Variants in KCNQ1 observed in about 807,000 individuals in gnomAD.
The protein encoded by KCNQ1 is potassium voltage-gated channel subfamily Q member 1, also known as potassium voltage-gated channel subfamily KQT member 1.
Under a neutral mutation model 72.4 loss-of-function variants are expected in KCNQ1, and 49 were observed. The ratio of observed to expected loss-of-function variants is 0.68; its 90% CI spans 0.54 to 0.86. The LOEUF (loss-of-function observed/expected upper bound fraction) is 0.86. KCNQ1 is among the 40% of genes least tolerant of loss of function. The pLI is 0.00. For synonymous variants in KCNQ1, 450 were observed against 412.6 expected, an observed-to-expected ratio of 1.09 and a Z score of -1.10; for missense variants, 790 against 945.1, an observed-to-expected ratio of 0.84 and a Z score of 2.15.
rs940837479 is a variant in KCNQ1, at chr11:2,679,461, A to G, written c.1514+17380A>G. The G allele has an allele frequency of 2.0e-5, 8 of 398,526 alleles. No individual in the cohort carries two copies. Among genetic ancestry groups the G allele is most frequent in the Admixed American group, 1.3e-4 (3 of 22,722 alleles). The allele number at this position is 398,526 out of a possible 1,614,324, so 24.7% of individuals were successfully genotyped here. A position where few individuals can be genotyped will look rare whatever the true frequency, so the allele number is the denominator to read the frequency against. On this transcript the variant is annotated intron_variant, in intron 11 of 15. Transcript: ENST00000155840. The surrounding 1 kb of genome is among the most constrained non-coding windows in gnomAD (Gnocchi z 4.8). Reference sequence around the variant, plus strand: ...GGAGGATTACACAAATTAATAATATAAAGTATGCAGAAAAGTGCCTGTCCT... The same window carrying G: ...GGAGGATTACACAAATTAATAATATGAAGTATGCAGAAAAGTGCCTGTCCT...
chr11:2,847,450 G>A (rs2134096124), intron 15 of KCNQ1, among the ~76,000 whole-genome samples: 1 of 152,356 alleles, frequency 6.6e-6, no homozygotes, highest in South Asian at 2.1e-4. Flanking sequence ...CAGAAGGCCG[G>A]CCAGCCTGGG....
rs1391715248 is a variant in KCNQ1 at position 2,645,770 on chromosome 11, G to A, written c.1394-16191G>A. 4 of 398,580 alleles carry A rather than the reference G, an allele frequency of 1.0e-5. No individual in the cohort carries two copies. Among genetic ancestry groups the A allele is most frequent in the African/African-American group, 4.1e-5 (2 of 48,592 alleles). The allele number at this position is 398,580 out of a possible 1,614,324, so 24.7% of individuals were successfully genotyped here. Reference sequence around the variant, plus strand: ...CCAGGGATGAGATAGAGGGATGTGGGGCCCACAGCAGATGCAGTCTGGTGG... The same window carrying A: ...CCAGGGATGAGATAGAGGGATGTGGAGCCCACAGCAGATGCAGTCTGGTGG... On this transcript the variant is annotated intron_variant, in intron 10 of 15. Transcript: ENST00000155840. This position sits in a 1 kb window ranked among gnomAD's most constrained non-coding sequence, Gnocchi z 5.8.
chr11:2,478,871 G>A lies in KCNQ1; in HGVS notation c.386+33387G>A, dbSNP rs1846612279. On this transcript the variant is annotated intron_variant, in intron 1 of 15. Coordinates refer to ENST00000155840, the MANE Select transcript of KCNQ1 (RefSeq NM_000218.3). This position sits in a 1 kb window ranked among gnomAD's most constrained non-coding sequence, Gnocchi z 4.0. ...CACCTATGAGCCTGTAAAATCAAAA[G>A]CAAGTTAGTTAATTCCTAGACACAA... Among the ~76,000 whole-genome samples, 1 of 152,234 alleles carries A rather than the reference G, an allele frequency of 6.6e-6. No homozygotes were observed. Among genetic ancestry groups the A allele is most frequent in the South Asian group, 2.1e-4 (1 of 4,826 alleles).
At chr11:2,646,557 A>C in intron 10 of KCNQ1, 1 of 398,550 alleles carries the variant, frequency 2.5e-6, no homozygotes, top group South Asian at 1.3e-4. Context: ...ACAGGGTCTC[A>C]CTCTGTTGCC....
At chr11:2,445,620 A>G in intron 1 of KCNQ1, 136 bp downstream of exon 1, 2 of 1,052,386 alleles carry the variant, frequency 1.9e-6, no homozygotes, top group South Asian at 1.4e-5. Context: ...GGGGAAACGC[A>G]GAAACACAAA....
At position 2,616,965 on chromosome 11, in the gene KCNQ1, T is replaced by G. The variant is rs114030398; in HGVS notation, c.1393+28111T>G. 0.57 allele frequency: 218,575 copies of G among 386,666 alleles called. 61,174 individuals are homozygous for G. Among genetic ancestry groups the G allele is most frequent in the East Asian group, 0.83 (22,088 of 26,536 alleles). 24.0% of individuals were successfully genotyped at this position (386,666 alleles called of 1,614,324 possible). ...CTGGCTGTACATTATCTTGTTGTGTTTTTTTTTTTTAATTTTAAAAATATG... is the reference window on the plus strand; with the variant it reads ...CTGGCTGTACATTATCTTGTTGTGTGTTTTTTTTTTAATTTTAAAAATATG... On this transcript the variant is annotated intron_variant, in intron 10 of 15. Coordinates refer to ENST00000155840, the MANE Select transcript of KCNQ1 (RefSeq NM_000218.3).
At chr11:2,685,722 C>T in intron 11 of KCNQ1, 1 of 398,704 alleles carries the variant, frequency 2.5e-6, no homozygotes. Context: ...GGAGGGTGCT[C>T]TGACAGTCCG....
At chr11:2,649,566 A>G (rs1222742416) in intron 10 of KCNQ1, 2 of 398,450 alleles carry the variant, frequency 5.0e-6, no homozygotes, top group Non-Finnish European at 8.8e-6. Flanking sequence ...TGCTGGGTAT[A>G]GTATTTGTGG....
rs1215703914 is a variant in KCNQ1, at chr11:2,562,617, CCT to C, written c.478-8010_478-8009del. Reference sequence around the variant, plus strand: ...TCCCCACAGCACCCTCAGCCTAACCCCTGTGTCCACCCCTCTTCAGAGTCTCC... The same window carrying C: ...TCCCCACAGCACCCTCAGCCTAACCCGTGTCCACCCCTCTTCAGAGTCTCC... On this transcript the variant is annotated intron_variant, in intron 2 of 15. Coordinates refer to ENST00000155840, the MANE Select transcript of KCNQ1 (RefSeq NM_000218.3). This position sits in a 1 kb window ranked among gnomAD's most constrained non-coding sequence, Gnocchi z 7.5. Among the ~76,000 whole-genome samples, 1 of 152,206 alleles carries C rather than the reference CCT, an allele frequency of 6.6e-6. No individual in the cohort carries two copies. The highest frequency in any genetic ancestry group is 1.5e-5 in the Non-Finnish European group (1 of 68,040).
Position 2,734,036 on chromosome 11 carries a change from T to C in KCNQ1, c.1515-34808T>C, listed in dbSNP as rs1368336001. On this transcript the variant is annotated intron_variant, in intron 11 of 15. Transcript: ENST00000155840. The surrounding 1 kb of genome is among the most constrained non-coding windows in gnomAD (Gnocchi z 7.0). ...TTGCGCGCTCTAAATCAGGACCACC[T>C]TGCGGTTCTCCCAGCCCCAGCCTTG... Among the ~76,000 whole-genome samples, 1 of 151,966 alleles carries C rather than the reference T, an allele frequency of 6.6e-6. No homozygotes were observed. The highest frequency in any genetic ancestry group is 6.6e-5 in the Admixed American group (1 of 15,256).
chr11:2,741,833 T>A (rs1296052359), intron 11 of KCNQ1, among the ~76,000 whole-genome samples: 5 of 152,122 alleles, frequency 3.3e-5, no homozygotes, highest in Non-Finnish European at 7.4e-5. Flanking sequence ...TCCTTGACCT[T>A]CTTAGGAGGG....
rs1846832563 is a variant in KCNQ1 at position 2,491,286 on chromosome 11, A to C, written c.387-36642A>C. Among the ~76,000 whole-genome samples the C allele has an allele frequency of 6.6e-6, 1 of 152,242 alleles. No individual in the cohort carries two copies. Among genetic ancestry groups the C allele is most frequent in the Non-Finnish European group, 1.5e-5 (1 of 68,040 alleles). On this transcript the variant is annotated intron_variant, in intron 1 of 15. Coordinates refer to ENST00000155840, the MANE Select transcript of KCNQ1 (RefSeq NM_000218.3). The surrounding 1 kb of genome is among the most constrained non-coding windows in gnomAD (Gnocchi z 4.1). ...GGGACCAATCCTGAAGAAAAGAGAT[A>C]TGTGACCTTTCAGAGAGAGAATTTA...
chr11:2,533,140 G>A (rs1847669515), intron 2 of KCNQ1, among the ~76,000 whole-genome samples: 1 of 152,258 alleles, frequency 6.6e-6, no homozygotes, highest in African/African-American at 2.4e-5. Context: ...TCAAAGCGAT[G>A]TGTTCCCAGG....
chr11:2,789,784 C>T (rs537765852), intron 15 of KCNQ1, among the ~76,000 whole-genome samples: 25 of 152,306 alleles, frequency 1.6e-4, no homozygotes, highest in African/African-American at 5.5e-4. Context: ...GTGCTCATTT[C>T]GAGGTGTTTC....
At chr11:2,574,642 C>G (rs1388419333) in intron 6 of KCNQ1, among the ~76,000 whole-genome samples, 1 of 152,194 alleles carries the variant, frequency 6.6e-6, no homozygotes, top group Non-Finnish European at 1.5e-5. Flanking sequence ...CAGGCAGGCA[C>G]GTGTCCCTGC....
intron 11 of KCNQ1, chr11:2,689,788 G>A (rs2283189): frequency 0.026 from 10,454 of 398,632 alleles, 412 homozygotes; most frequent in East Asian, 0.095. Context: ...TAGGAGGGGA[G>A]GGGAAGCACT....
chr11:2,528,037 C>A lies in KCNQ1; in HGVS notation c.477+19C>A. 2 of 1,594,350 alleles carry A rather than the reference C, an allele frequency of 1.3e-6. No individual in the cohort carries two copies. Among genetic ancestry groups the A allele is most frequent in the Non-Finnish European group, 1.7e-6 (2 of 1,163,416 alleles). ...CTGGATGGTACGTAGCATCTGAGGG[C>A]ATGGCTGGATGTCATGGCTGCCTTG... On this transcript the variant is annotated intron_variant, in intron 2 of 15. Coordinates refer to ENST00000155840, the MANE Select transcript of KCNQ1 (RefSeq NM_000218.3).
rs1846054338 is a variant in KCNQ1, at chr11:2,447,368, C to T, written c.386+1884C>T. 6.6e-6 allele frequency among the ~76,000 whole-genome samples: 1 copy of T among 152,118 alleles called. No individual in the cohort carries two copies. Among genetic ancestry groups the T allele is most frequent in the African/African-American group, 2.4e-5 (1 of 41,418 alleles). ...GAAGTGGCCAGATCTGGGGCTGGTC[C>T]TTTCCAGTTCTGGGTCCTGTCCTTG... On this transcript the variant is annotated intron_variant, in intron 1 of 15. Transcript: ENST00000155840. This position sits in a 1 kb window ranked among gnomAD's most constrained non-coding sequence, Gnocchi z 7.6.
chr11:2,643,051 A>G (rs1849604665), intron 10 of KCNQ1: 1 of 397,866 alleles, frequency 2.5e-6, no homozygotes, highest in African/African-American at 2.1e-5. Context: ...AAATATATAT[A>G]TATTTAAAAT....
Sources: allele counts gnomAD v4.1 joint callset (sites outside exome capture counted in the v4.1 genomes callset), GRCh38; gene constraint gnomAD v4.1.1; non-coding constraint Gnocchi (gnomAD v3.1); transcripts MANE v1.5; gene names NCBI Gene and HGNC (gene_info 2026-07-23, HGNC 2026-07-21).